MTOR: variants seen among roughly 807,000 people sequenced by gnomAD.
MTOR encodes serine/threonine-protein kinase mTOR.
MTOR carries 70 observed loss-of-function variants against 319.8 expected under a neutral mutation model. That is an observed-to-expected ratio of 0.22 (90% CI 0.18 to 0.27). The LOEUF (loss-of-function observed/expected upper bound fraction) is 0.27. Ranked by LOEUF, MTOR falls within the 10% of genes least tolerant of loss-of-function variation. The probability of loss-of-function intolerance (pLI) is 1.00; values close to 1 mark genes in which losing one functional copy is unlikely to be tolerated. For missense variants in MTOR, 1,890 were observed against 3,274.4 expected, an observed-to-expected ratio of 0.58 and a Z score of 10.32; for synonymous variants, 1,183 against 1,211.4, an observed-to-expected ratio of 0.98 and a Z score of 0.49.
intron 49 of MTOR, 28 bp from the exon 50 acceptor site, chr1:11,117,114 C>A (rs17235647): frequency 6.5e-7 from 1 of 1,549,342 alleles, no homozygotes; most frequent in Non-Finnish European, 8.8e-7. Flanking sequence ...ATGTGAACTA[C>A]GGTTCTGGAA....
intron 15 of MTOR, among the ~76,000 whole-genome samples, 173 bp from the exon 16 acceptor site, chr1:11,232,701 C>T (rs777308752): frequency 3.9e-5 from 6 of 151,930 alleles, no homozygotes; most frequent in Non-Finnish European, 7.4e-5. Flanking sequence ...ATGGTAAAAC[C>T]CCATCTCTAC....
intron 29 of MTOR, among the ~76,000 whole-genome samples, chr1:11,166,392 A>G: frequency 6.6e-6 from 1 of 152,248 alleles, no homozygotes. Flanking sequence ...ACTTAAACAA[A>G]TTTACAAGAA....
In MTOR at chr1:11,241,349, C is replaced by T. The variant is rs201539054; in HGVS notation, c.1541+204G>A. 2.9e-4 allele frequency among the ~76,000 whole-genome samples: 44 copies of T among 150,666 alleles called. 1 individual carries two copies. Among genetic ancestry groups the T allele is most frequent in the Admixed American group, 2.4e-3 (36 of 15,098 alleles). ...AAAAAAAAAAAAAAAAAATGAGGCTCGGGGAAATTAAATAACTTAGTCAAG... is the reference window on the plus strand; with the variant it reads ...AAAAAAAAAAAAAAAAAATGAGGCTTGGGGAAATTAAATAACTTAGTCAAG... On this transcript the variant is annotated intron_variant, in intron 10 of 57. Transcript: ENST00000361445.
At chr1:11,220,663 T>C (rs1282023217) in intron 19 of MTOR, among the ~76,000 whole-genome samples, 1 of 152,212 alleles carries the variant, frequency 6.6e-6, no homozygotes, top group African/African-American at 2.4e-5. Context: ...TAAAACAAGC[T>C]TGTCCAACTC....
chr1:11,171,164 C>T (rs935207018), intron 28 of MTOR, among the ~76,000 whole-genome samples: 2 of 149,112 alleles, frequency 1.3e-5, no homozygotes, highest in African/African-American at 5.0e-5. Flanking sequence ...CACTGCACTC[C>T]AGCCTGGGCG....
chr1:11,245,031 C>A (rs943405900), intron 8 of MTOR, among the ~76,000 whole-genome samples: 4 of 152,308 alleles, frequency 2.6e-5, no homozygotes, highest in Middle Eastern at 6.8e-3. Context: ...TTGCAATAAA[C>A]AGGCCATTCC....
chr1:11,174,901 C>G (rs1644935171), intron 28 of MTOR, among the ~76,000 whole-genome samples: 1 of 152,136 alleles, frequency 6.6e-6, no homozygotes, highest in Admixed American at 6.5e-5. Flanking sequence ...CAAACCAGAC[C>G]CTGCTGATGC....
chr1:11,141,765 T>TTG (rs1643718067), intron 34 of MTOR, among the ~76,000 whole-genome samples: 1 of 147,254 alleles, frequency 6.8e-6, no homozygotes, highest in Admixed American at 6.7e-5. Context: ...GGTGGGGGGA[T>TTG]CACAAGGTCA....
Position 11,212,944 on chromosome 1 carries a change from C to T in MTOR, c.3286-36G>A, listed in dbSNP as rs763122362. The T allele has an allele frequency of 5.2e-6, 8 of 1,543,362 alleles. No individual in the cohort carries two copies. In the South Asian group the frequency reaches 6.7e-5, roughly 13 times the overall value. On this transcript the variant is annotated intron_variant, in intron 21 of 57. Coordinates refer to ENST00000361445, the MANE Select transcript of MTOR (RefSeq NM_004958.4). This position sits in a 1 kb window ranked among gnomAD's most constrained non-coding sequence, Gnocchi z 4.1. ...GAGCAAAAGCATGGTGATGAATAGT[C>T]AGGTCCCAAGTATCTAAGGACACGC...
intron 31 of MTOR, chr1:11,149,382 T>C (rs1330021000): frequency 6.6e-6 from 1 of 152,156 alleles, no homozygotes; most frequent in Non-Finnish European, 1.5e-5. Context: ...ATAAAAACTC[T>C]TGAACAATGA....
chr1:11,175,746 G>GTTTTTTTTTTT lies in MTOR; in HGVS notation c.4254-8240_4254-8230dup, dbSNP rs34392850. Among the ~76,000 whole-genome samples, 666 of 137,188 alleles carry GTTTTTTTTTTT rather than the reference G, an allele frequency of 4.9e-3. 18 individuals carry two copies. The highest frequency in any genetic ancestry group is 0.017 in the African/African-American group (614 of 36,360). 90.0% of individuals were successfully genotyped at this position (137,188 alleles called of 152,430 possible). ...TTTCCTCTCAGGCTCTCCCTAGCAG[G>GTTTTTTTTTTT]TTTTTTTTTTTTTTTTGAGACAGGG... On this transcript the variant is annotated intron_variant, in intron 28 of 57. Coordinates refer to ENST00000361445, the MANE Select transcript of MTOR (RefSeq NM_004958.4).
At chr1:11,255,966 T>A in intron 5 of MTOR, 26 bp downstream of exon 5, 1 of 1,601,346 alleles carries the variant, frequency 6.2e-7, no homozygotes, top group Non-Finnish European at 8.5e-7. Context: ...GCTTTGCTAG[T>A]GGTGGGAATG....
chr1:11,198,165 C>T (rs999207419), intron 28 of MTOR, among the ~76,000 whole-genome samples: 2 of 152,302 alleles, frequency 1.3e-5, no homozygotes, highest in East Asian at 3.9e-4. Context: ...AGTGACAGCA[C>T]ATTACCTAAG....
rs932779938 is a variant in MTOR at position 11,127,337 on chromosome 1, T to C, written c.6217-193A>G. On this transcript the variant is annotated intron_variant, in intron 44 of 57. Coordinates refer to ENST00000361445, the MANE Select transcript of MTOR (RefSeq NM_004958.4). This position sits in a 1 kb window ranked among gnomAD's most constrained non-coding sequence, Gnocchi z 5.5. ...GCTTCCAAACCAGCAGCATGGCTTA[T>C]AGGGAAGGAAGGGTGAGAGGAGAGA... Among the ~76,000 whole-genome samples the C allele has an allele frequency of 6.6e-6, 1 of 152,166 alleles. No individual in the cohort carries two copies. The highest frequency in any genetic ancestry group is 2.4e-5 in the African/African-American group (1 of 41,438).
At chr1:11,150,368 A>G in intron 30 of MTOR, 142 bp from the exon 31 acceptor site, 1 of 630,200 alleles carries the variant, frequency 1.6e-6, no homozygotes, top group Non-Finnish European at 2.7e-6. Flanking sequence ...AGGTCACATA[A>G]TAGAGAATCA....
intron 3 of MTOR, 51 bp from the exon 4 acceptor site, chr1:11,257,216 G>GA (rs755255999): frequency 1.3e-6 from 2 of 1,486,618 alleles, no homozygotes; most frequent in South Asian, 2.4e-5. Flanking sequence ...TGCTGGCCAG[G>GA]AAAGTACGCA....
At position 11,115,099 on chromosome 1, in the gene MTOR, CAA is replaced by C. The variant is rs1174511808; in HGVS notation, c.7090-214_7090-213del. On this transcript the variant is annotated intron_variant, in intron 51 of 57. Transcript: ENST00000361445. This position sits in a 1 kb window ranked among gnomAD's most constrained non-coding sequence, Gnocchi z 4.5. ...ACGAACAACAGAAAAGAAGAGAAAACAAAAAGGAAAAAAGACAAATGTGCATC... is the reference window on the plus strand; with the variant it reads ...ACGAACAACAGAAAAGAAGAGAAAACAAAGGAAAAAAGACAAATGTGCATC... 1.3e-5 allele frequency among the ~76,000 whole-genome samples: 2 copies of C among 151,462 alleles called. No homozygotes were observed. Among genetic ancestry groups the C allele is most frequent in the African/African-American group, 4.9e-5 (2 of 41,204 alleles).
At chr1:11,239,915 A>T (rs1248163064) in intron 11 of MTOR, among the ~76,000 whole-genome samples, 1 of 151,928 alleles carries the variant, frequency 6.6e-6, no homozygotes, top group Non-Finnish European at 1.5e-5. Context: ...AAAAAAAAAA[A>T]AAAGAAAGAA....
At chr1:11,157,996 C>A (rs946373886) in intron 29 of MTOR, among the ~76,000 whole-genome samples, 4 of 152,138 alleles carry the variant, frequency 2.6e-5, no homozygotes, top group Non-Finnish European at 5.9e-5. Flanking sequence ...GGAGGGATTG[C>A]ATTACCCTAG....
Sources: allele counts gnomAD v4.1 joint callset (sites outside exome capture counted in the v4.1 genomes callset), GRCh38; gene constraint gnomAD v4.1.1; non-coding constraint Gnocchi (gnomAD v3.1); transcripts MANE v1.5; gene names NCBI Gene and HGNC (gene_info 2026-07-23, HGNC 2026-07-21).